RIT2: variants seen among roughly 807,000 people sequenced by gnomAD.
The protein encoded by RIT2 is GTP-binding protein Rit2.
In RIT2, 24 loss-of-function variants were observed where a neutral mutation model predicts 23.7. The ratio of observed to expected loss-of-function variants is 1.01; its 90% CI spans 0.73 to 1.43. RIT2 has a LOEUF of 1.43. RIT2 is among the 40% of genes most tolerant of loss of function. The pLI, the probability that RIT2 is intolerant of heterozygous loss-of-function variation, is 0.00. For synonymous variants in RIT2, 107 were observed against 91.1 expected, an observed-to-expected ratio of 1.17 and a Z score of -0.99; for missense variants, 236 against 266.9, an observed-to-expected ratio of 0.88 and a Z score of 0.81.
chr18:42,885,934 G>A (rs1187803446), intron 4 of RIT2, among the ~76,000 whole-genome samples: 1 of 152,156 alleles, frequency 6.6e-6, no homozygotes, highest in African/African-American at 2.4e-5. Context: ...TTCATTCTCT[G>A]ACATTATCAT....
intron 4 of RIT2, among the ~76,000 whole-genome samples, chr18:42,760,317 A>G (rs1913271348): frequency 6.6e-6 from 1 of 152,188 alleles, no homozygotes; most frequent in Non-Finnish European, 1.5e-5. Context: ...CAATGGCTGG[A>G]CACACAGCAT....
chr18:42,857,829 A>C (rs1028310771), intron 4 of RIT2, among the ~76,000 whole-genome samples: 1 of 152,208 alleles, frequency 6.6e-6, no homozygotes, highest in Non-Finnish European at 1.5e-5. Context: ...GGTAATGCTC[A>C]AGACCTAGGT....
chr18:43,080,164 T>C (rs1463092486), intron 1 of RIT2, among the ~76,000 whole-genome samples: 1 of 152,228 alleles, frequency 6.6e-6, no homozygotes, highest in Non-Finnish European at 1.5e-5. Context: ...ATTCAGTTCC[T>C]ACCCTGTGCC....
At chr18:42,804,486 C>A (rs1261250765) in intron 4 of RIT2, among the ~76,000 whole-genome samples, 1 of 138,234 alleles carries the variant, frequency 7.2e-6, no homozygotes, top group Non-Finnish European at 1.5e-5. Context: ...ACCCAGGAGG[C>A]GGAGATTGCA....
In RIT2 at chr18:42,976,712, C is replaced by T. The variant is rs555783666; in HGVS notation, c.161-2565G>A. ...GAATATGTTCATTATTATTAAGAAACGTGGAGTTCATTATAATGCCATCTT... is the reference window on the plus strand; with the variant it reads ...GAATATGTTCATTATTATTAAGAAATGTGGAGTTCATTATAATGCCATCTT... On this transcript the variant is annotated intron_variant, in intron 2 of 4. Coordinates refer to ENST00000326695, the MANE Select transcript of RIT2 (RefSeq NM_002930.4). Among the ~76,000 whole-genome samples the T allele has an allele frequency of 9.2e-5, 14 of 152,064 alleles. No individual in the cohort carries two copies. In the East Asian group the frequency reaches 2.5e-3, roughly 27 times the overall value.
chr18:42,809,615 A>AAAAT (rs887269142), intron 4 of RIT2, among the ~76,000 whole-genome samples: 12 of 151,762 alleles, frequency 7.9e-5, no homozygotes, highest in African/African-American at 2.9e-4. Flanking sequence ...TATGTGTCAT[A>AAAAT]AAATAACTGT....
intron 4 of RIT2, among the ~76,000 whole-genome samples, chr18:42,868,649 A>C (rs1371227204): frequency 6.6e-6 from 1 of 152,232 alleles, no homozygotes; most frequent in African/African-American, 2.4e-5. Context: ...TGGAGGTGGA[A>C]TATACATGAG....
chr18:42,974,365 A>G (rs1031299016), intron 2 of RIT2, among the ~76,000 whole-genome samples: 1 of 151,994 alleles, frequency 6.6e-6, no homozygotes, highest in African/African-American at 2.4e-5. Context: ...TTCATCAGGA[A>G]AATTTTGCGA....
At chr18:43,106,848 A>C (rs1568084270) in intron 1 of RIT2, among the ~76,000 whole-genome samples, 1 of 152,190 alleles carries the variant, frequency 6.6e-6, no homozygotes, top group Non-Finnish European at 1.5e-5. Flanking sequence ...TAGCAATGGC[A>C]CTTAGCTGGT....
intron 2 of RIT2, among the ~76,000 whole-genome samples, chr18:43,008,433 G>T (rs888102127): frequency 1.1e-4 from 16 of 151,270 alleles, no homozygotes; most frequent in Admixed American, 9.2e-4. Context: ...TATAATAAGG[G>T]TTACTTGTAG....
chr18:42,877,198 C>G (rs1327868169), intron 4 of RIT2, among the ~76,000 whole-genome samples: 2 of 151,738 alleles, frequency 1.3e-5, no homozygotes, highest in African/African-American at 2.4e-5. Flanking sequence ...AGGTAGAAGA[C>G]ATATGGTTAG....
chr18:42,913,277 T>C (rs1908819122), intron 4 of RIT2, among the ~76,000 whole-genome samples: 1 of 151,820 alleles, frequency 6.6e-6, no homozygotes, highest in South Asian at 2.1e-4. Context: ...ATGATAGAAT[T>C]TTTAGAAAAG....
chr18:42,765,752 G>A lies in RIT2; in HGVS notation c.427-22032C>T, dbSNP rs560357086. ...TATGGACACATATAATACATAATAT[G>A]TTTTGACTGAGACCCCACCCAAATC... is the stretch of plus-strand genomic sequence containing the variant. On this transcript the variant is annotated intron_variant, in intron 4 of 4. Transcript: ENST00000326695. 5.3e-5 allele frequency among the ~76,000 whole-genome samples: 8 copies of A among 152,260 alleles called. No individual in the cohort carries two copies. The South Asian group carries it at 1.0e-3, about 20-fold the overall frequency.
At chr18:42,767,675 G>C (rs1020855176) in intron 4 of RIT2, among the ~76,000 whole-genome samples, 1 of 152,188 alleles carries the variant, frequency 6.6e-6, no homozygotes, top group African/African-American at 2.4e-5. Context: ...CGGGTGGAAT[G>C]ATGTGGTTTG....
intron 3 of RIT2, among the ~76,000 whole-genome samples, chr18:42,936,433 G>T (rs1909460057): frequency 6.6e-6 from 1 of 152,102 alleles, no homozygotes; most frequent in African/African-American, 2.4e-5. Context: ...AAACAACACA[G>T]AAAAGTTCAA....
chr18:42,868,773 T>C (rs981846680), intron 4 of RIT2, among the ~76,000 whole-genome samples: 8 of 152,208 alleles, frequency 5.3e-5, no homozygotes, highest in African/African-American at 1.9e-4. Flanking sequence ...CTTTAATTCA[T>C]TATTTAATTT....
At chr18:42,972,536 A>G (rs553055250) in intron 3 of RIT2, among the ~76,000 whole-genome samples, 7 of 152,048 alleles carry the variant, frequency 4.6e-5, no homozygotes, top group South Asian at 2.1e-4. Flanking sequence ...TACATGATGT[A>G]GGTTTTCAAC....
rs145939771 is a variant in RIT2, at chr18:42,861,348, A to T, written c.426+62224T>A. Reference sequence around the variant, plus strand: ...CATTCTCTGAAATATGCTTGACCTTAGTTCCATCTCTGGCATCTCCTGACT... The same window carrying T: ...CATTCTCTGAAATATGCTTGACCTTTGTTCCATCTCTGGCATCTCCTGACT... On this transcript the variant is annotated intron_variant, in intron 4 of 4. Coordinates refer to ENST00000326695, the MANE Select transcript of RIT2 (RefSeq NM_002930.4). Among the ~76,000 whole-genome samples the T allele has an allele frequency of 1.1e-4, 17 of 152,300 alleles. No individual in the cohort carries two copies. In the East Asian group the frequency reaches 3.1e-3, roughly 28 times the overall value.
chr18:42,950,332 T>C lies in RIT2; in HGVS notation c.234+23742A>G, dbSNP rs185895839. Among the ~76,000 whole-genome samples the C allele has an allele frequency of 1.0e-3, 154 of 152,212 alleles. 1 individual carries two copies. Among genetic ancestry groups the C allele is most frequent in the African/African-American group, 3.6e-3 (150 of 41,566 alleles). The stretch of plus-strand genomic sequence containing the variant: ...ATTCAATAAATGGTGCTGAGAGAGC[T>C]GGCTAGACATCTGCAGAAGAATAAA... On this transcript the variant is annotated intron_variant, in intron 3 of 4. Coordinates refer to ENST00000326695, the MANE Select transcript of RIT2 (RefSeq NM_002930.4).
Sources: allele counts gnomAD v4.1 joint callset (sites outside exome capture counted in the v4.1 genomes callset), GRCh38; gene constraint gnomAD v4.1.1; transcripts MANE v1.5; gene names NCBI Gene and HGNC (gene_info 2026-07-23, HGNC 2026-07-21).